MAPK8IP1: variants seen among roughly 807,000 people sequenced by gnomAD.
The protein encoded by MAPK8IP1 is C-Jun-amino-terminal kinase-interacting protein 1.
MAPK8IP1 carries 17 observed loss-of-function variants against 72.6 expected under a neutral mutation model. The ratio of observed to expected loss-of-function variants is 0.23; its 90% confidence interval spans 0.16 to 0.35. MAPK8IP1 has a LOEUF of 0.35. MAPK8IP1 is among the 10% of genes least tolerant of loss of function. MAPK8IP1 has a pLI of 1.00. For missense variants in MAPK8IP1, 789 were observed against 1,009.7 expected (o/e 0.78, Z 2.96); for synonymous variants, 401 against 443.4 (o/e 0.90, Z 1.20).
chr11:45,896,534 T>G (rs1011995950), intron 1 of MAPK8IP1: 60 of 1,110,358 alleles, frequency 5.4e-5, no homozygotes, highest in Non-Finnish European at 6.2e-5. Context: ...GAAGGGCAGG[T>G]GGAGCCAGTG....
intron 1 of MAPK8IP1, among the ~76,000 whole-genome samples, chr11:45,894,853 G>C (rs1238301144): frequency 6.6e-6 from 1 of 152,212 alleles, no homozygotes; most frequent in Non-Finnish European, 1.5e-5. Flanking sequence ...CAGGGGGTGG[G>C]AAGTGGGTGT....
chr11:45,904,078 C>G lies in MAPK8IP1; in HGVS notation c.1583C>G (p.Ala528Gly). 1.2e-6 allele frequency: 2 copies of G among 1,614,032 alleles called. No homozygotes were observed. Among genetic ancestry groups the G allele is most frequent in the Non-Finnish European group, 1.7e-6 (2 of 1,180,002 alleles). The stretch of plus-strand genomic sequence containing the variant: ...CAGGCTGAAGACTACTGGTACGAGG[C>G]CTACAACATGCGCACTGGTGCCCGG... The part of the protein sequence containing the change: ...ELQAEDYWYE[A>G]YNMRTGARGV... Residue 528 changes from alanine (A) to glycine (G), a missense_variant, in exon 7 of 12, where the codon GCC becomes GGC. Around this residue, in one of 4 missense-constraint regions of MAPK8IP1, gnomAD observed 188 missense variants for 293.3 expected, o/e 0.64. Coordinates refer to ENST00000241014, the MANE Select transcript of MAPK8IP1 (RefSeq NM_005456.4). The surrounding 1 kb of genome is among the most constrained non-coding windows in gnomAD (Gnocchi z 6.4).
intron 2 of MAPK8IP1, among the ~76,000 whole-genome samples, chr11:45,899,847 C>T (rs1030361573): frequency 6.6e-6 from 1 of 152,220 alleles, no homozygotes; most frequent in Non-Finnish European, 1.5e-5. Context: ...CGGCTTACAA[C>T]CCCGGTGAGG....
At position 45,900,574 on chromosome 11, in the gene MAPK8IP1, GGGGCCGCGGTGGCTCGCTCCCGGTGTT is replaced by G. The variant is rs2134674468; in HGVS notation, c.522+126_522+152del. 6 of 1,178,590 alleles carry G rather than the reference GGGGCCGCGGTGGCTCGCTCCCGGTGTT, an allele frequency of 5.1e-6. No homozygotes were observed. In the South Asian group the frequency reaches 8.9e-5, roughly 17 times the overall value. The allele number at this position is 1,178,590 out of a possible 1,614,324, so 73.0% of individuals were successfully genotyped here. On this transcript the variant is annotated intron_variant, in intron 3 of 11. Transcript: ENST00000241014. The surrounding 1 kb of genome is among the most constrained non-coding windows in gnomAD (Gnocchi z 6.5). ...AGTGCCTGGGGACAGCGCCTGCATA[GGGGCCGCGGTGGCTCGCTCCCGGTGTT>G]GGGATCCGAGGAGCGGGCAGAACCA...
chr11:45,901,861 G>A (rs370448258), intron 3 of MAPK8IP1, 119 bp from the exon 4 acceptor site: 22 of 809,030 alleles, frequency 2.7e-5, no homozygotes, highest in East Asian at 2.2e-4. Flanking sequence ...TTTGACAGTG[G>A]AGGCGGGGTG....
chr11:45,902,821 T>C lies in MAPK8IP1; in HGVS notation c.1054T>C (p.Trp352Arg). 1.3e-6 allele frequency: 2 copies of C among 1,580,854 alleles called. No individual in the cohort carries two copies. The highest frequency in any genetic ancestry group is 3.3e-4 in the Middle Eastern group (2 of 6,014). Residue 352 changes from tryptophan to arginine, a missense_variant, in exon 5 of 12, where the codon TGG (tryptophan) becomes CGG (arginine). Transcript: ENST00000241014. This position sits in a 1 kb window ranked among gnomAD's most constrained non-coding sequence, Gnocchi z 9.3. The part of the protein sequence containing the change: ...PERAEPPGGG[W>R]RGSLGEPPPP... ...GCGGGCTGAGCCCCCAGGCGGAGGG[T>C]GGCGGGGGAGCCTGGGGGAGCCGCC...
At chr11:45,891,441 G>A (rs759318243) in intron 1 of MAPK8IP1, among the ~76,000 whole-genome samples, 1 of 152,184 alleles carries the variant, frequency 6.6e-6, no homozygotes, top group Non-Finnish European at 1.5e-5. Context: ...CCTATGGTGT[G>A]CAGGGTTTTG....
At position 45,903,076 on chromosome 11, in the gene MAPK8IP1, C is replaced by A; in HGVS notation, c.1309C>A (p.Pro437Thr). Residue 437 changes from proline to threonine, a missense_variant, in exon 5 of 12, where the codon CCC (proline) becomes ACC (threonine). Transcript: ENST00000241014. This position sits in a 1 kb window ranked among gnomAD's most constrained non-coding sequence, Gnocchi z 6.4. ...IGEEYEEAPR[P>T]QPPACLSEDS... is the part of the protein sequence containing the mutation. Reference sequence around the variant, plus strand: ...AGAGGAATATGAGGAGGCCCCGCGGCCCCAGCCCCCTGCCTGCCTCTCCGA... The same window carrying A: ...AGAGGAATATGAGGAGGCCCCGCGGACCCAGCCCCCTGCCTGCCTCTCCGA... The A allele has an allele frequency of 6.2e-7, 1 of 1,611,500 alleles. No homozygotes were observed.
At chr11:45,890,684 C>T (rs1186849069) in intron 1 of MAPK8IP1, among the ~76,000 whole-genome samples, 10 of 151,900 alleles carry the variant, frequency 6.6e-5, no homozygotes, top group Non-Finnish European at 1.2e-4. Context: ...TGCTGGGGCT[C>T]CTTGGTGGGT....
rs200479626 is a variant in MAPK8IP1 at position 45,898,226 on chromosome 11, G to A, written c.207+36G>A. 8 of 1,461,764 alleles carry A rather than the reference G, an allele frequency of 5.5e-6. No individual in the cohort carries two copies. The African/African-American group carries it at 5.6e-5, about 10-fold the overall frequency. The allele number at this position is 1,461,764 out of a possible 1,614,324, so 90.5% of individuals were successfully genotyped here. On this transcript the variant is annotated intron_variant, in intron 2 of 11. Coordinates refer to ENST00000241014, the MANE Select transcript of MAPK8IP1 (RefSeq NM_005456.4). ...GCTCCCAGGAGCTCCTGAGTGGGGT[G>A]GCAGGAAGGCTAGGGACAGGGGTAA...
At chr11:45,898,856 A>G (rs994681430) in intron 2 of MAPK8IP1, among the ~76,000 whole-genome samples, 2 of 152,188 alleles carry the variant, frequency 1.3e-5, no homozygotes, top group African/African-American at 4.8e-5. Flanking sequence ...CTGGGGTCAG[A>G]TGGGGATCCC....
At position 45,902,236 on chromosome 11, in the gene MAPK8IP1, GC is replaced by G; in HGVS notation, c.605-132del. ...AGTGGTGGCATGAGTGAGTTGACTG[GC>G]CCCAGAGCCTGCGAAGGGCCTGTTG... On this transcript the variant is annotated intron_variant, in intron 4 of 11. Transcript: ENST00000241014. This position sits in a 1 kb window ranked among gnomAD's most constrained non-coding sequence, Gnocchi z 9.3. 1 of 975,988 alleles carries G rather than the reference GC, an allele frequency of 1.0e-6. No homozygotes were observed. The highest frequency in any genetic ancestry group is 1.6e-6 in the Non-Finnish European group (1 of 617,456). The allele number at this position is 975,988 out of a possible 1,614,324, so 60.5% of individuals were successfully genotyped here.
chr11:45,905,264 T>G lies in MAPK8IP1; in HGVS notation c.2063+15T>G, dbSNP rs1228233959. On this transcript the variant is annotated intron_variant, in intron 11 of 11. Coordinates refer to ENST00000241014, the MANE Select transcript of MAPK8IP1 (RefSeq NM_005456.4). ...GAGTCCGTGGGGTACGTGTACACCC[T>G]GCTGAGCACCCAGCCCGAGGGAGCA... 2 of 1,605,116 alleles carry G rather than the reference T, an allele frequency of 1.2e-6. No individual in the cohort carries two copies. Among genetic ancestry groups the G allele is most frequent in the African/African-American group, 1.3e-5 (1 of 74,766 alleles).
intron 1 of MAPK8IP1, among the ~76,000 whole-genome samples, chr11:45,886,324 G>C (rs1027287942): frequency 2.6e-5 from 4 of 152,236 alleles, no homozygotes; most frequent in Non-Finnish European, 4.4e-5. Flanking sequence ...GCGGGTCGCA[G>C]TTTCCTGGGG....
At chr11:45,886,238 C>A (rs2086526356) in intron 1 of MAPK8IP1, among the ~76,000 whole-genome samples, 1 of 152,230 alleles carries the variant, frequency 6.6e-6, no homozygotes, top group Non-Finnish European at 1.5e-5. Flanking sequence ...GGTCTGGGGT[C>A]GGGGTTGCGA....
chr11:45,889,427 A>C (rs1357874173), intron 1 of MAPK8IP1, among the ~76,000 whole-genome samples: 7 of 152,224 alleles, frequency 4.6e-5, no homozygotes, highest in African/African-American at 1.7e-4. Context: ...ATAAAAGAAA[A>C]TTCAAAATTA....
chr11:45,896,874 C>T (rs780066523), intron 1 of MAPK8IP1: 2 of 1,552,612 alleles, frequency 1.3e-6, no homozygotes, highest in South Asian at 1.2e-5. Flanking sequence ...CCGGGCAGGG[C>T]TCTCCATGCA....
chr11:45,896,717 T>C, intron 1 of MAPK8IP1: 1 of 1,439,816 alleles, frequency 6.9e-7, no homozygotes, highest in Non-Finnish European at 9.1e-7. Flanking sequence ...CTATTTTTAA[T>C]GAGCTCCCCA....
chr11:45,904,259 TG>T lies in MAPK8IP1; in HGVS notation c.1666+104del. On this transcript the variant is annotated intron_variant, in intron 7 of 11. Transcript: ENST00000241014. The surrounding 1 kb of genome is among the most constrained non-coding windows in gnomAD (Gnocchi z 6.4). ...GTACTCCAGATCTCAGCCAGCCAGG[TG>T]GGGGGCTGAGTGGAAGTGATTTTAG... 4 of 1,401,358 alleles carry T rather than the reference TG, an allele frequency of 2.9e-6. No individual in the cohort carries two copies. The highest frequency in any genetic ancestry group is 3.0e-6 in the Non-Finnish European group (3 of 1,008,252). The allele number at this position is 1,401,358 out of a possible 1,614,324, so 86.8% of individuals were successfully genotyped here.
Sources: allele counts gnomAD v4.1 joint callset (sites outside exome capture counted in the v4.1 genomes callset), GRCh38; gene constraint gnomAD v4.1.1; regional missense constraint gnomAD v4.1.1; non-coding constraint Gnocchi (gnomAD v3.1); transcripts MANE v1.5; gene names NCBI Gene and HGNC (gene_info 2026-07-23, HGNC 2026-07-21).